The following HERC1 variants were observed in gnomAD, a reference collection of about 807,000 sequenced individuals.
HERC1 encodes HECT and RLD domain containing E3 ubiquitin protein ligase family member 1.
In HERC1, 160 loss-of-function variants were observed where a neutral mutation model predicts 554.3. That is an observed-to-expected ratio of 0.29 (90% CI 0.25 to 0.33). The LOEUF (loss-of-function observed/expected upper bound fraction) is 0.33. Ranked by LOEUF, HERC1 falls within the 10% of genes least tolerant of loss-of-function variation. The pLI, the probability that HERC1 is intolerant of heterozygous loss-of-function variation, is 1.00. For synonymous variants in HERC1, 2,175 were observed against 2,131.7 expected, an observed-to-expected ratio of 1.02 and a Z score of -0.56; for missense variants, 4,919 against 5,918.5, an observed-to-expected ratio of 0.83 and a Z score of 5.54.
chr15:63,645,340 G>T, intron 56 of HERC1, 143 bp downstream of exon 56: 1 of 689,680 alleles, frequency 1.4e-6, no homozygotes, highest in Non-Finnish European at 2.4e-6. Flanking sequence ...TCTTTTCTCT[G>T]AGGTAATCTT....
chr15:63,832,806 G>A (rs1247651518), intron 1 of HERC1, among the ~76,000 whole-genome samples: 3 of 152,070 alleles, frequency 2.0e-5, no homozygotes, highest in Admixed American at 2.0e-4. Context: ...AATATAGAAT[G>A]AGGAAGTCCC....
chr15:63,748,295 G>C (rs1022266553), intron 10 of HERC1, among the ~76,000 whole-genome samples: 1 of 152,046 alleles, frequency 6.6e-6, no homozygotes, highest in African/African-American at 2.4e-5. Context: ...AGACATTACT[G>C]ATTATGAAAG....
chr15:63,686,509 A>T lies in HERC1; in HGVS notation c.6075T>A (p.Asp2025Glu), dbSNP rs766165864. The change falls in exon 34 of 78, where the codon GAT becomes GAA. Residue 2025 changes from aspartate to glutamate, a missense_variant. This residue lies in a region of HERC1 where 1,121 missense variants were observed against 1,244.0 expected (regional missense o/e 0.90). Transcript: ENST00000443617. ...ATACTTCTTGGATAGGAAGATTCTC[A>T]TCTTCTTCTTCCAACTCGCCCTGCT... ...LQKQGELEEE[D>E]ENLPIQEVSF... The T allele has an allele frequency of 6.2e-7, 1 of 1,612,308 alleles. No homozygotes were observed. The highest frequency in any genetic ancestry group is 8.5e-7 in the Non-Finnish European group (1 of 1,178,934).
intron 24 of HERC1, among the ~76,000 whole-genome samples, chr15:63,712,057 T>A (rs2073324504): frequency 6.6e-6 from 1 of 152,260 alleles, no homozygotes; most frequent in African/African-American, 2.4e-5. Flanking sequence ...GCATCTTATT[T>A]ATCTTTACCC....
chr15:63,740,449 A>C lies in HERC1; in HGVS notation c.2521-5600T>G, dbSNP rs2074749411. 3.3e-5 allele frequency among the ~76,000 whole-genome samples: 5 copies of C among 152,330 alleles called. No individual in the cohort carries two copies. The South Asian group carries it at 8.3e-4, about 25-fold the overall frequency. On this transcript the variant is annotated intron_variant, in intron 12 of 77. Coordinates refer to ENST00000443617, the MANE Select transcript of HERC1 (RefSeq NM_003922.4). Reference sequence around the variant, plus strand: ...CAATGCTCTTGGGTACAGACCTAGTAGTGGAACTGCTGGATCATACAGTAA... The same window carrying C: ...CAATGCTCTTGGGTACAGACCTAGTCGTGGAACTGCTGGATCATACAGTAA...
intron 1 of HERC1, among the ~76,000 whole-genome samples, chr15:63,786,917 A>T (rs71394525): frequency 0.23 from 29,133 of 126,846 alleles, 4,181 homozygotes; most frequent in Middle Eastern, 0.35. Context: ...TCAATAAATT[A>T]TTATTTTTTT....
At chr15:63,755,098 T>A (rs2075378300) in intron 6 of HERC1, 131 bp downstream of exon 6, 2 of 651,758 alleles carry the variant, frequency 3.1e-6, no homozygotes, top group Admixed American at 2.7e-5. Context: ...TATAAAATTA[T>A]CTTCCTCTGA....
intron 57 of HERC1, among the ~76,000 whole-genome samples, chr15:63,644,612 T>A (rs2069236699): frequency 6.6e-6 from 1 of 152,220 alleles, no homozygotes; most frequent in Admixed American, 6.5e-5. Flanking sequence ...TTGTAACTTC[T>A]GTTTAATATA....
At position 63,669,604 on chromosome 15, in the gene HERC1, C is replaced by A; in HGVS notation, c.8140G>T (p.Glu2714Ter). Residue 2714 changes from glutamate to a stop codon, truncating the protein, a stop_gained, in exon 40 of 78, where the codon GAA becomes TAA. Transcript: ENST00000443617. LOFTEE classifies it high-confidence loss of function. ...GTTAAACTTTGCCTCCTTCCTACTTCATCAGAAGGAGAGGTTGGTAACGAA... is the reference window on the plus strand; with the variant it reads ...GTTAAACTTTGCCTCCTTCCTACTTAATCAGAAGGAGAGGTTGGTAACGAA... ...ISSLPTSPSD[E>*]VGRRQSLTSP... 6.2e-7 allele frequency: 1 copy of A among 1,613,514 alleles called. No homozygotes were observed. Among genetic ancestry groups the A allele is most frequent in the Non-Finnish European group, 8.5e-7 (1 of 1,179,446 alleles).
At chr15:63,763,153 T>G (rs565816710) in intron 3 of HERC1, among the ~76,000 whole-genome samples, 8 of 152,302 alleles carry the variant, frequency 5.3e-5, no homozygotes, top group African/African-American at 1.9e-4. Context: ...TTCTCAATCC[T>G]TTGAATCCAC....
In HERC1 at chr15:63,664,549, T is replaced by C; in HGVS notation, c.8601A>G (p.Gly2867=). Residue 2867 remains glycine (G), a synonymous_variant, in exon 43 of 78, where the codon GGA becomes GGG. Coordinates refer to ENST00000443617, the MANE Select transcript of HERC1 (RefSeq NM_003922.4). ...DHTENAASGS[G]PSARGRSAVT... ...CCGCTGAGCGACCTCTAGCTGATGG[T>C]CCACTTCCAGAAGCTGCATTCTCTG... 6.2e-7 allele frequency: 1 copy of C among 1,613,532 alleles called. No individual in the cohort carries two copies. Among genetic ancestry groups the C allele is most frequent in the Non-Finnish European group, 8.5e-7 (1 of 1,179,548 alleles).
intron 26 of HERC1, among the ~76,000 whole-genome samples, chr15:63,696,950 A>T (rs958254809): frequency 4.0e-5 from 6 of 149,284 alleles, no homozygotes; most frequent in African/African-American, 1.5e-4. Flanking sequence ...AAAAAAAAAA[A>T]ATTATTTTGA....
At chr15:63,654,449 A>G (rs918522161) in intron 50 of HERC1, 125 bp from the exon 51 acceptor site, 25 of 668,898 alleles carry the variant, frequency 3.7e-5, no homozygotes, top group African/African-American at 3.3e-4. Context: ...GTTAACCCAT[A>G]TCTTTTAAGA....
rs889750253 is a variant in HERC1, at chr15:63,756,086, AG to A, written c.1533+350del. ...TTATTATCTCTATCCTGAAGACTAAAGGATTAAAGTAGAGACCTTATCTGTC... is the reference window on the plus strand; with the variant it reads ...TTATTATCTCTATCCTGAAGACTAAAGATTAAAGTAGAGACCTTATCTGTC... On this transcript the variant is annotated intron_variant, in intron 5 of 77. Coordinates refer to ENST00000443617, the MANE Select transcript of HERC1 (RefSeq NM_003922.4). This position sits in a 1 kb window ranked among gnomAD's most constrained non-coding sequence, Gnocchi z 5.0. Among the ~76,000 whole-genome samples the A allele has an allele frequency of 1.3e-5, 2 of 152,200 alleles. No homozygotes were observed. The highest frequency in any genetic ancestry group is 2.4e-5 in the African/African-American group (1 of 41,452).
chr15:63,784,001 G>C (rs975318759), intron 1 of HERC1, among the ~76,000 whole-genome samples: 2 of 151,602 alleles, frequency 1.3e-5, no homozygotes, highest in Admixed American at 6.6e-5. Flanking sequence ...GGGAGGCAGA[G>C]GTTACAGTGA....
chr15:63,706,413 ACT>A (rs1324591692), intron 25 of HERC1, among the ~76,000 whole-genome samples: 1 of 152,072 alleles, frequency 6.6e-6, no homozygotes, highest in Non-Finnish European at 1.5e-5. Flanking sequence ...AACTGTAACA[ACT>A]CTGTGAGCTA....
intron 61 of HERC1, among the ~76,000 whole-genome samples, chr15:63,639,108 C>T (rs1455613927): frequency 6.6e-6 from 1 of 152,150 alleles, no homozygotes; most frequent in Non-Finnish European, 1.5e-5. Context: ...CAAATTACTT[C>T]ATCTTTCTGG....
At chr15:63,813,695 T>C (rs891131411) in intron 1 of HERC1, among the ~76,000 whole-genome samples, 1 of 152,202 alleles carries the variant, frequency 6.6e-6, no homozygotes, top group Admixed American at 6.5e-5. Flanking sequence ...ATTACCATTG[T>C]ATGCCTGTGT....
chr15:63,612,699 A>C lies in HERC1; in HGVS notation c.14095-143T>G, dbSNP rs944114258. 37 of 757,802 alleles carry C rather than the reference A, an allele frequency of 4.9e-5. No homozygotes were observed. Among genetic ancestry groups the C allele is most frequent in the Non-Finnish European group, 7.2e-5 (35 of 483,184 alleles). 46.9% of individuals were successfully genotyped at this position (757,802 alleles called of 1,614,324 possible). ...TGTTTCTCAGACCGCCAGGCACGAG[A>C]GTCAGTCAAAAAGGCCCACCCTCCC... On this transcript the variant is annotated intron_variant, in intron 76 of 77. Coordinates refer to ENST00000443617, the MANE Select transcript of HERC1 (RefSeq NM_003922.4). This position sits in a 1 kb window ranked among gnomAD's most constrained non-coding sequence, Gnocchi z 5.0.
Sources: allele counts gnomAD v4.1 joint callset (sites outside exome capture counted in the v4.1 genomes callset), GRCh38; gene constraint gnomAD v4.1.1; regional missense constraint gnomAD v4.1.1; non-coding constraint Gnocchi (gnomAD v3.1); transcripts MANE v1.5; gene names NCBI Gene and HGNC (gene_info 2026-07-23, HGNC 2026-07-21).